CNR2: variants seen among roughly 807,000 people sequenced by gnomAD.
The protein encoded by CNR2 is cannabinoid receptor 2, also known as cannabinoid receptor 2 (macrophage).
For synonymous variants in CNR2, 172 were observed against 182.2 expected (o/e 0.94, Z 0.45); for missense variants, 379 against 439.9 (o/e 0.86, Z 1.24).
intron 1 of CNR2, among the ~76,000 whole-genome samples, chr1:23,904,165 T>C (rs1271053772): frequency 6.6e-6 from 1 of 151,898 alleles, no homozygotes; most frequent in Non-Finnish European, 1.5e-5. Flanking sequence ...CTGGTTTTTT[T>C]GTTCGTTTCA....
At chr1:23,889,521 G>A (rs1340373399) in intron 1 of CNR2, among the ~76,000 whole-genome samples, 1 of 151,878 alleles carries the variant, frequency 6.6e-6, no homozygotes, top group Admixed American at 6.6e-5. Flanking sequence ...ATAGTGTCTT[G>A]CTATATTGCT....
chr1:23,903,469 G>GA (rs1293987832), intron 1 of CNR2, among the ~76,000 whole-genome samples: 2 of 151,664 alleles, frequency 1.3e-5, no homozygotes, highest in Non-Finnish European at 2.9e-5. Context: ...AGGCACTTGG[G>GA]AGGCTGAGGT....
At chr1:23,907,971 C>T (rs1419121715) in intron 1 of CNR2, 1 of 139,488 alleles carries the variant, frequency 7.2e-6, no homozygotes, top group Non-Finnish European at 1.5e-5. Context: ...TCTATCACCA[C>T]TAACTACTGC....
intron 1 of CNR2, among the ~76,000 whole-genome samples, chr1:23,900,678 G>T (rs1314974467): frequency 1.3e-5 from 2 of 151,814 alleles, no homozygotes; most frequent in South Asian, 2.1e-4. Context: ...GGCCAAGTTT[G>T]TATTTTTAGT....
At chr1:23,903,564 C>A (rs2148470236) in intron 1 of CNR2, among the ~76,000 whole-genome samples, 1 of 137,560 alleles carries the variant, frequency 7.3e-6, no homozygotes, top group Admixed American at 7.5e-5. Context: ...CAGAGTGAGA[C>A]CCCAGGCTTT....
chr1:23,905,169 A>T (rs61778218), intron 1 of CNR2, among the ~76,000 whole-genome samples: 3 of 149,450 alleles, frequency 2.0e-5, no homozygotes, highest in African/African-American at 7.6e-5. Context: ...CTCTGCACTT[A>T]ACTTTTCTTT....
In CNR2 at chr1:23,874,661, C is replaced by A. The variant is rs761834077; in HGVS notation, c.957G>T (p.Lys319Asn). Residue 319 changes from lysine to asparagine, a missense_variant, in exon 2 of 2, where the codon AAG becomes AAT. Physicochemically the swap from Lys to Asn is moderately conservative, Grantham distance 94 (BLOSUM62 0). Transcript: ENST00000374472. ...SAHHCLAHWK[K>N]CVRGLGSEAK... is the part of the protein sequence containing the mutation. ...CCTCTGACCCAAGGCCCCTCACACA[C>A]TTCTTCCAGTGAGCCAGGCAGTGAT... 1 of 1,614,070 alleles carries A rather than the reference C, an allele frequency of 6.2e-7. No homozygotes were observed. Among genetic ancestry groups the A allele is most frequent in the African/African-American group, 1.3e-5 (1 of 74,918 alleles).
intron 1 of CNR2, among the ~76,000 whole-genome samples, chr1:23,893,278 G>GGCA (rs1219982889): frequency 6.6e-6 from 1 of 152,064 alleles, no homozygotes; most frequent in Non-Finnish European, 1.5e-5. Context: ...CTCTCTCCTG[G>GGCA]GCAGAGCAGA....
chr1:23,906,507 CTTTTT>C (rs66559631), intron 1 of CNR2, among the ~76,000 whole-genome samples: 6 of 141,268 alleles, frequency 4.2e-5, no homozygotes, highest in African/African-American at 1.6e-4. Flanking sequence ...TTTTCTCTAA[CTTTTT>C]TTTTTTGTTT....
At chr1:23,895,923 G>A (rs1173478940) in intron 1 of CNR2, among the ~76,000 whole-genome samples, 1 of 151,784 alleles carries the variant, frequency 6.6e-6, no homozygotes, top group African/African-American at 2.4e-5. Context: ...TATTTCCAGG[G>A]GCAAATCCCA....
At chr1:23,883,423 A>G (rs896827144) in intron 1 of CNR2, among the ~76,000 whole-genome samples, 8 of 152,254 alleles carry the variant, frequency 5.3e-5, no homozygotes, top group African/African-American at 1.7e-4. Context: ...GAAATAGAAG[A>G]ACAATTCTAA....
At chr1:23,881,466 A>C (rs1335800369) in intron 1 of CNR2, among the ~76,000 whole-genome samples, 1 of 151,058 alleles carries the variant, frequency 6.6e-6, no homozygotes, top group African/African-American at 2.4e-5. Context: ...GGTGGTGCAC[A>C]CCTGTAATCC....
Position 23,910,453 on chromosome 1 carries a change from G to A in CNR2, c.-46+2793C>T, listed in dbSNP as rs190336876. On this transcript the variant is annotated intron_variant, in intron 1 of 1. Coordinates refer to ENST00000374472, the MANE Select transcript of CNR2 (RefSeq NM_001841.3). ...GCGGATCACCTGAGATCGGGAGCTCGAGACCAGCCTGGCCAACATGCAGAA... is the reference window on the plus strand; with the variant it reads ...GCGGATCACCTGAGATCGGGAGCTCAAGACCAGCCTGGCCAACATGCAGAA... 2.2e-4 allele frequency among the ~76,000 whole-genome samples: 33 copies of A among 151,528 alleles called. No homozygotes were observed. In the East Asian group the frequency reaches 6.0e-3, roughly 27 times the overall value.
At chr1:23,894,747 C>A (rs1365249700) in intron 1 of CNR2, among the ~76,000 whole-genome samples, 2 of 132,088 alleles carry the variant, frequency 1.5e-5, no homozygotes, top group Non-Finnish European at 3.2e-5. Flanking sequence ...CCCTGGGCAA[C>A]AGAGTGAAAT....
intron 1 of CNR2, among the ~76,000 whole-genome samples, chr1:23,896,091 T>C (rs1035978297): frequency 6.6e-6 from 1 of 152,150 alleles, no homozygotes; most frequent in African/African-American, 2.4e-5. Context: ...CTCAAACTCC[T>C]GGCCTTAAGT....
intron 1 of CNR2, among the ~76,000 whole-genome samples, chr1:23,876,834 CAAAAAAAA>C (rs72220399): frequency 1.7e-5 from 2 of 120,254 alleles, no homozygotes; most frequent in African/African-American, 3.1e-5. Flanking sequence ...GACTCTGTCT[CAAAAAAAA>C]AAAAAAAAAA....
intron 1 of CNR2, among the ~76,000 whole-genome samples, chr1:23,905,967 C>T (rs2148471093): frequency 6.6e-6 from 1 of 152,234 alleles, no homozygotes; most frequent in East Asian, 1.9e-4. Flanking sequence ...TGCAAGGTGG[C>T]CTGGATTTCT....
intron 1 of CNR2, among the ~76,000 whole-genome samples, chr1:23,891,596 G>C (rs549539621): frequency 8.4e-6 from 1 of 118,686 alleles, no homozygotes; most frequent in South Asian, 2.8e-4. Context: ...TCCAGCCTGG[G>C]CAACAAGAGC....
At chr1:23,888,527 G>A (rs1031111111) in intron 1 of CNR2, among the ~76,000 whole-genome samples, 1 of 152,132 alleles carries the variant, frequency 6.6e-6, no homozygotes, top group African/African-American at 2.4e-5. Context: ...GGGGTAGAAG[G>A]ATTCACACTT....
Sources: allele counts gnomAD v4.1 joint callset (sites outside exome capture counted in the v4.1 genomes callset), GRCh38; gene constraint gnomAD v4.1.1; transcripts MANE v1.5; gene names NCBI Gene and HGNC (gene_info 2026-07-23, HGNC 2026-07-21).